The following MALT1 variants were observed in gnomAD, a reference collection of about 807,000 sequenced individuals.
MALT1 encodes the protein MALT1 paracaspase, also known as mucosa-associated lymphoid tissue lymphoma translocation protein 1.
A neutral mutation model predicts 85.5 loss-of-function variants in MALT1; 36 were observed. The ratio of observed to expected loss-of-function variants is 0.42; its 90% CI spans 0.32 to 0.56. The LOEUF (loss-of-function observed/expected upper bound fraction) is 0.56, where lower values mean the gene tolerates loss of function less well. MALT1 is among the 20% of genes least tolerant of loss of function. The pLI is 0.10. For missense variants in MALT1, 716 were observed against 981.6 expected, an observed-to-expected ratio of 0.73 and a Z score of 3.62; for synonymous variants, 359 against 361.3, an observed-to-expected ratio of 0.99 and a Z score of 0.07.
At chr18:58,713,172 A>G (rs541051872) in intron 7 of MALT1, among the ~76,000 whole-genome samples, 2 of 152,346 alleles carry the variant, frequency 1.3e-5, no homozygotes, top group Admixed American at 6.5e-5. Flanking sequence ...ACATATAAGA[A>G]TAAAGTTTCT....
intron 2 of MALT1, among the ~76,000 whole-genome samples, chr18:58,694,205 A>G (rs941005415): frequency 1.3e-5 from 2 of 152,158 alleles, no homozygotes; most frequent in Middle Eastern, 3.2e-3. Context: ...GCTCTACTAT[A>G]TTTACTAAAG....
intron 14 of MALT1, among the ~76,000 whole-genome samples, chr18:58,743,414 AATTAACAT>A (rs1416802924): frequency 6.6e-6 from 1 of 152,222 alleles, no homozygotes; most frequent in Non-Finnish European, 1.5e-5. Context: ...ATTTTTAGTA[AATTAACAT>A]ATTAAAGCAC....
chr18:58,703,225 C>A (rs1374411053), intron 4 of MALT1, among the ~76,000 whole-genome samples: 2 of 151,974 alleles, frequency 1.3e-5, no homozygotes, highest in African/African-American at 4.8e-5. Context: ...GGTGTGGTGG[C>A]CCGTGACTGT....
intron 10 of MALT1, among the ~76,000 whole-genome samples, chr18:58,727,955 T>C (rs371160138): frequency 6.6e-6 from 1 of 152,122 alleles, no homozygotes; most frequent in South Asian, 2.1e-4. Flanking sequence ...GTGACCTTTC[T>C]TGGAACCGTG....
chr18:58,715,988 C>T (rs1464002028), intron 9 of MALT1, 21 bp downstream of exon 9: 1 of 1,556,936 alleles, frequency 6.4e-7, no homozygotes, highest in Non-Finnish European at 8.8e-7. Flanking sequence ...CTTTAAAATG[C>T]ATTATCAAAG....
intron 2 of MALT1, among the ~76,000 whole-genome samples, chr18:58,687,703 A>G (rs1270367261): frequency 1.3e-5 from 2 of 152,256 alleles, no homozygotes; most frequent in African/African-American, 2.4e-5. Flanking sequence ...TTGATAAACT[A>G]CATCAACATT....
rs1046433451 is a variant in MALT1 at position 58,753,749 on chromosome 18, G to A, written c.*5907G>A. ...CTGTATAATTTTAAAATACAGATAT[G>A]CACAATTGTGTAATGTAAATATGCT... On this transcript the variant is annotated 3_prime_UTR_variant, in exon 17 of 17. Transcript: ENST00000649217. The A allele has an allele frequency of 2.6e-5, 4 of 152,160 alleles. No homozygotes were observed. The highest frequency in any genetic ancestry group is 4.4e-5 in the Non-Finnish European group (3 of 68,036). The allele number at this position is 152,160 out of a possible 1,614,324, so 9.4% of individuals were successfully genotyped here. A position where few individuals can be genotyped will look rare whatever the true frequency, so the allele number is the denominator to read the frequency against.
chr18:58,733,073 G>A (rs2055174725), intron 10 of MALT1, among the ~76,000 whole-genome samples: 1 of 152,028 alleles, frequency 6.6e-6, no homozygotes, highest in Non-Finnish European at 1.5e-5. Flanking sequence ...ACCACGCCCA[G>A]CCAATTTTTG....
Position 58,671,506 on chromosome 18 carries a change from G to C in MALT1, c.-138G>C. On this transcript the variant is annotated 5_prime_UTR_variant, in exon 1 of 17. Coordinates refer to ENST00000649217, the MANE Select transcript of MALT1 (RefSeq NM_006785.4). ...GGCGGGGAGCGGAGCTTCCTCCTCT[G>C]AGGGCCGTGCCGCGCTGCCAGATTT... 2.0e-6 allele frequency: 1 copy of C among 488,182 alleles called. No homozygotes were observed. The highest frequency in any genetic ancestry group is 3.2e-6 in the Non-Finnish European group (1 of 317,308). The allele number at this position is 488,182 out of a possible 1,614,324, so 30.2% of individuals were successfully genotyped here.
chr18:58,683,888 C>T (rs2054358689), intron 2 of MALT1, among the ~76,000 whole-genome samples: 1 of 152,078 alleles, frequency 6.6e-6, no homozygotes, highest in Non-Finnish European at 1.5e-5. Context: ...ATTTTCTCTT[C>T]AGTACATTTG....
chr18:58,711,076 T>G (rs1356012821), intron 7 of MALT1, 123 bp downstream of exon 7: 1 of 557,262 alleles, frequency 1.8e-6, no homozygotes, highest in Non-Finnish European at 3.1e-6. Flanking sequence ...GAAATGATTT[T>G]GATTGAAGAA....
intron 2 of MALT1, 39 bp downstream of exon 2, chr18:58,681,375 G>A: frequency 1.3e-6 from 2 of 1,561,342 alleles, no homozygotes; most frequent in Non-Finnish European, 8.7e-7. Context: ...AGGAGTTCAT[G>A]GAGCCAAACT....
At chr18:58,730,116 A>G (rs2055126477) in intron 10 of MALT1, among the ~76,000 whole-genome samples, 1 of 152,240 alleles carries the variant, frequency 6.6e-6, no homozygotes, top group South Asian at 2.1e-4. Context: ...TTGCTCTTGA[A>G]GCAGTAAAGA....
Position 58,715,961 on chromosome 18 carries a change from C to G in MALT1, c.1012C>G (p.Pro338Ala). The G allele has an allele frequency of 1.2e-6, 2 of 1,602,754 alleles. No homozygotes were observed. The highest frequency in any genetic ancestry group is 1.7e-4 in the Middle Eastern group (1 of 6,040). ...TAATAAAGAGCAAACAACTGACCAG[C>G]CTTTGGGTGAGTAGAACTTTAAAAT... ...PDNKEQTTDQ[P>A]LAKDKVALLI... The change falls in exon 9 of 17, where the codon CCT becomes GCT. Residue 338 changes from proline to alanine, a missense_variant. Transcript: ENST00000649217.
rs1342334326 is a variant in MALT1, at chr18:58,747,446, A to G, written c.2079A>G (p.Ser693=). 1 of 1,613,900 alleles carries G rather than the reference A, an allele frequency of 6.2e-7. No individual in the cohort carries two copies. The highest frequency in any genetic ancestry group is 1.7e-5 in the Admixed American group (1 of 60,012). Residue 693 remains serine (S), a synonymous_variant, in exon 17 of 17, where the codon TCA becomes TCG. Transcript: ENST00000649217. ...VFTVCLSYQY[S]GLEDTVEDKQ... is the part of the protein sequence containing the mutation. ...CAGTATGTTTATCATATCAGTACTC[A>G]GGATTGGAAGATACTGTAGAGGACA...
At chr18:58,745,144 C>T (rs1038194110) in intron 15 of MALT1, among the ~76,000 whole-genome samples, 1 of 152,096 alleles carries the variant, frequency 6.6e-6, no homozygotes, top group Non-Finnish European at 1.5e-5. Flanking sequence ...AGTACGGAGC[C>T]CAGATAGGCT....
chr18:58,705,894 C>T (rs577843919), intron 4 of MALT1, among the ~76,000 whole-genome samples: 11 of 152,160 alleles, frequency 7.2e-5, no homozygotes, highest in South Asian at 4.2e-4. Flanking sequence ...ACTGAGGAAT[C>T]GCCACACTGA....
chr18:58,746,085 A>G (rs1343922693), intron 16 of MALT1, among the ~76,000 whole-genome samples: 1 of 152,162 alleles, frequency 6.6e-6, no homozygotes, highest in East Asian at 1.9e-4. Context: ...TGGCATGAAC[A>G]TGACCTACTA....
At position 58,728,833 on chromosome 18, in the gene MALT1, T is replaced by A. The variant is rs116677505; in HGVS notation, c.1223-4564T>A. Among the ~76,000 whole-genome samples the A allele has an allele frequency of 7.4e-3, 1,123 of 152,198 alleles. 10 individuals carry two copies. The highest frequency in any genetic ancestry group is 0.025 in the African/African-American group (1,032 of 41,540). On this transcript the variant is annotated intron_variant, in intron 10 of 16. Transcript: ENST00000649217. ...TGGCATTAATGTAACAGAACAACAT[T>A]CAGCTTTTCCCTGGATGAATGGAAG...
Sources: gnomAD v4.1 joint callset for allele counts (sites outside exome capture counted in the v4.1 genomes callset) on GRCh38, gnomAD v4.1.1 for gene constraint, MANE v1.5 for transcripts, NCBI Gene and HGNC (gene_info 2026-07-23, HGNC 2026-07-21) for gene names.